SNX25: variants seen among roughly 807,000 people sequenced by gnomAD.
SNX25 encodes the protein sorting nexin 25.
In SNX25, 62 loss-of-function variants were observed where a neutral mutation model predicts 113.7. The ratio of observed to expected loss-of-function variants is 0.55; its 90% CI spans 0.44 to 0.67. The LOEUF (loss-of-function observed/expected upper bound fraction) is 0.67. SNX25 is among the 30% of genes least tolerant of loss of function. The pLI is 0.00. For missense variants in SNX25, 1,014 were observed against 1,161.0 expected (o/e 0.87, Z 1.84); for synonymous variants, 421 against 436.2 (o/e 0.97, Z 0.43).
At position 185,363,739 on chromosome 4, in the gene SNX25, A is replaced by G. The variant is rs2095376733; in HGVS notation, c.*274A>G. 3.7e-6 allele frequency: 1 copy of G among 272,250 alleles called. No homozygotes were observed. Among genetic ancestry groups the G allele is most frequent in the Non-Finnish European group, 7.0e-6 (1 of 143,302 alleles). The allele number at this position is 272,250 out of a possible 1,614,324, so 16.9% of individuals were successfully genotyped here. ...AATGTTAATATGTGAGAACCTAGGA[A>G]GTATTTTAAATATTTATGAAAATAT... On this transcript the variant is annotated 3_prime_UTR_variant, in exon 19 of 19. Transcript: ENST00000652585. The surrounding 1 kb of genome is among the most constrained non-coding windows in gnomAD (Gnocchi z 4.2).
intron 6 of SNX25, among the ~76,000 whole-genome samples, chr4:185,290,595 G>A (rs754230600): frequency 2.0e-5 from 3 of 152,076 alleles, no homozygotes; most frequent in Non-Finnish European, 4.4e-5. Flanking sequence ...AAACTCTTAC[G>A]TGCTTTGTGC....
intron 1 of SNX25, among the ~76,000 whole-genome samples, chr4:185,244,372 T>C (rs554690685): frequency 6.6e-6 from 1 of 152,344 alleles, no homozygotes; most frequent in Non-Finnish European, 1.5e-5. Flanking sequence ...GCCAAAGCAT[T>C]GAGAAGTTGT....
chr4:185,282,252 C>T (rs1750704942), intron 5 of SNX25, among the ~76,000 whole-genome samples: 1 of 152,154 alleles, frequency 6.6e-6, no homozygotes, highest in East Asian at 1.9e-4. Flanking sequence ...ACCTCCACCT[C>T]CCGAGTTCAA....
intron 7 of SNX25, among the ~76,000 whole-genome samples, chr4:185,312,134 T>C (rs2095035998): frequency 6.6e-6 from 1 of 152,204 alleles, no homozygotes; most frequent in Admixed American, 6.5e-5. Flanking sequence ...TTATTGTAGA[T>C]GAGGTCTTTG....
At chr4:185,220,268 C>CT (rs35129894) in intron 1 of SNX25, among the ~76,000 whole-genome samples, 12 of 151,456 alleles carry the variant, frequency 7.9e-5, no homozygotes, top group Non-Finnish European at 1.5e-4. Flanking sequence ...CCTCTTGTTT[C>CT]TTTTTTTTTC....
chr4:185,241,358 A>G (rs1238036292), intron 1 of SNX25, among the ~76,000 whole-genome samples: 1 of 151,668 alleles, frequency 6.6e-6, no homozygotes, highest in African/African-American at 2.4e-5. Context: ...CGCGCCTGCA[A>G]TCGCAGGCAC....
chr4:185,293,146 T>G (rs143596130), intron 6 of SNX25, among the ~76,000 whole-genome samples: 91 of 152,294 alleles, frequency 6.0e-4, no homozygotes, highest in African/African-American at 2.1e-3. Flanking sequence ...GTGAAAGAGA[T>G]AAGAACTGTT....
chr4:185,367,252 A>G (rs1189300472), downstream of SNX25: 3 of 1,610,934 alleles, frequency 1.9e-6, no homozygotes, highest in Non-Finnish European at 2.5e-6. Flanking sequence ...AAGCCTTAAA[A>G]TCAAAAAGAG....
At chr4:185,375,515 T>TAC in the SNX25 span, 1 of 87,400 alleles carries the variant, frequency 1.1e-5, no homozygotes, top group Non-Finnish European at 2.0e-5. Context: ...TATATATATA[T>TAC]GTATATATAT....
intron 5 of SNX25, among the ~76,000 whole-genome samples, chr4:185,274,322 G>T (rs1235197832): frequency 6.6e-6 from 1 of 152,164 alleles, no homozygotes; most frequent in Non-Finnish European, 1.5e-5. Context: ...GCCTCCCAAA[G>T]TGCTGGGATT....
chr4:185,215,121 C>T (rs1415010917), intron 1 of SNX25, among the ~76,000 whole-genome samples: 2 of 151,798 alleles, frequency 1.3e-5, no homozygotes, highest in African/African-American at 2.4e-5. Context: ...CCCAGCTACT[C>T]GGGAGGCTGA....
downstream of SNX25, chr4:185,364,683 CATG>C (rs775572659): frequency 7.9e-5 from 12 of 151,402 alleles, no homozygotes; most frequent in Non-Finnish European, 4.4e-5. Context: ...TTTTTCAAAC[CATG>C]ATGATATTTG....
chr4:185,361,310 G>A (rs1353588092), intron 16 of SNX25, among the ~76,000 whole-genome samples: 1 of 152,174 alleles, frequency 6.6e-6, no homozygotes, highest in Non-Finnish European at 1.5e-5. Flanking sequence ...ACCACTTCAT[G>A]GAAATGCTGC....
chr4:185,368,071 G>T (rs565415866), downstream of SNX25, among the ~76,000 whole-genome samples: 3 of 152,120 alleles, frequency 2.0e-5, no homozygotes, highest in Non-Finnish European at 2.9e-5. Context: ...CCAGCTACTC[G>T]GGAGGCTGAG....
intron 5 of SNX25, among the ~76,000 whole-genome samples, chr4:185,283,066 A>T (rs1750867908): frequency 6.6e-6 from 1 of 152,226 alleles, no homozygotes; most frequent in Admixed American, 6.5e-5. Flanking sequence ...TTCAGTAATC[A>T]TCTTCAGATG....
chr4:185,295,188 T>C lies in SNX25; in HGVS notation c.1162+7106T>C, dbSNP rs1339048718. On this transcript the variant is annotated intron_variant, in intron 6 of 18. Coordinates refer to ENST00000652585, the MANE Select transcript of SNX25 (RefSeq NM_001378034.2). The stretch of plus-strand genomic sequence containing the variant: ...GGAGATCTTTGCATTTTGGAGGTAG[T>C]GTGATCTAGTGAAAATCAGACAAAG... Among the ~76,000 whole-genome samples, 5 of 152,214 alleles carry C rather than the reference T, an allele frequency of 3.3e-5. No homozygotes were observed. The East Asian group carries it at 7.7e-4, about 23-fold the overall frequency.
chr4:185,348,008 T>G (rs2126735825), intron 13 of SNX25, among the ~76,000 whole-genome samples: 1 of 152,386 alleles, frequency 6.6e-6, no homozygotes, highest in African/African-American at 2.4e-5. Context: ...TTGCACCTAT[T>G]AAGAAATCTT....
At chr4:185,290,096 C>T (rs149493350) in intron 6 of SNX25, among the ~76,000 whole-genome samples, 1 of 152,174 alleles carries the variant, frequency 6.6e-6, no homozygotes, top group Non-Finnish European at 1.5e-5. Context: ...TCTATTCTTA[C>T]AAGGATGCCA....
intron 17 of SNX25, chr4:185,362,375 AT>A: frequency 1.0e-6 from 1 of 974,522 alleles, no homozygotes; most frequent in Non-Finnish European, 1.2e-6. Context: ...TTAGCAAAAT[AT>A]TAACATTTTA....
Sources: gnomAD v4.1 joint callset for allele counts (sites outside exome capture counted in the v4.1 genomes callset) on GRCh38, gnomAD v4.1.1 for gene constraint, Gnocchi (gnomAD v3.1) non-coding constraint, MANE v1.5 for transcripts, NCBI Gene and HGNC (gene_info 2026-07-23, HGNC 2026-07-21) for gene names.